The following SLIT1 variants were observed in gnomAD, a reference collection of about 807,000 sequenced individuals.
SLIT1 encodes the protein slit homolog 1 protein.
SLIT1 carries 66 observed loss-of-function variants against 186.1 expected under a neutral mutation model. That is an observed-to-expected ratio of 0.35 (90% CI 0.29 to 0.44). SLIT1 has a LOEUF of 0.44. SLIT1 is among the 20% of genes least tolerant of loss of function. SLIT1 has a pLI of 1.00. For synonymous variants in SLIT1, 761 were observed against 833.8 expected (o/e 0.91, Z 1.50); for missense variants, 1,638 against 2,037.4 (o/e 0.80, Z 3.77).
intron 4 of SLIT1, among the ~76,000 whole-genome samples, chr10:97,089,451 A>T (rs1046679246): frequency 3.9e-5 from 6 of 152,022 alleles, no homozygotes; most frequent in Admixed American, 1.3e-4. Context: ...GGGCTCTGCT[A>T]CTCCGTCTCT....
intron 4 of SLIT1, among the ~76,000 whole-genome samples, chr10:97,094,458 A>G (rs761731862): frequency 6.6e-6 from 1 of 152,210 alleles, no homozygotes; most frequent in Non-Finnish European, 1.5e-5. Context: ...CACCGACTGT[A>G]TGGCTCCAAA....
chr10:97,007,531 T>C (rs1790056902), intron 31 of SLIT1, among the ~76,000 whole-genome samples: 1 of 152,124 alleles, frequency 6.6e-6, no homozygotes, highest in Admixed American at 6.5e-5. Context: ...ATAAATATTG[T>C]CACCAAAATC....
rs979239315 is a variant in SLIT1, at chr10:97,066,091, G to A, written c.414-5C>T. ...ATGGCGTTCTCACTCAAGTCCCTGGGAGGATAAAGCCAGAGGGAGAGAAAA... is the reference window on the plus strand; with the variant it reads ...ATGGCGTTCTCACTCAAGTCCCTGGAAGGATAAAGCCAGAGGGAGAGAAAA... On this transcript the variant is annotated splice_polypyrimidine_tract_variant and splice_region_variant and intron_variant, in intron 4 of 36. Coordinates refer to ENST00000266058, the MANE Select transcript of SLIT1 (RefSeq NM_003061.3). The A allele has an allele frequency of 2.7e-5, 43 of 1,598,114 alleles. No homozygotes were observed. The highest frequency in any genetic ancestry group is 3.7e-5 in the Non-Finnish European group (43 of 1,170,462).
At chr10:97,035,119 AT>A (rs565869587) in intron 22 of SLIT1, among the ~76,000 whole-genome samples, 30,556 of 135,120 alleles carry the variant, frequency 0.23, 3,453 homozygotes, top group African/African-American at 0.35. Flanking sequence ...GACACAACTG[AT>A]CTCTCTTCTC....
chr10:97,170,671 C>G (rs1277755169), intron 1 of SLIT1, among the ~76,000 whole-genome samples: 1 of 152,214 alleles, frequency 6.6e-6, no homozygotes, highest in Non-Finnish European at 1.5e-5. Context: ...GGCAAATGGC[C>G]CTGATTTCCC....
chr10:97,018,535 G>A (rs1848474069), intron 28 of SLIT1, 51 bp downstream of exon 28: 1 of 1,181,056 alleles, frequency 8.5e-7, no homozygotes. Context: ...TGAGGCACAG[G>A]TGCTGGGCCC....
intron 12 of SLIT1, 143 bp downstream of exon 12, chr10:97,057,067 C>T (rs1399216675): frequency 1.1e-5 from 7 of 642,620 alleles, no homozygotes; most frequent in Non-Finnish European, 1.9e-5. Flanking sequence ...CTTTCTCAGC[C>T]CTAGTGGGTC....
At chr10:97,077,056 A>C (rs1165776863) in intron 4 of SLIT1, among the ~76,000 whole-genome samples, 2 of 152,204 alleles carry the variant, frequency 1.3e-5, no homozygotes, top group Non-Finnish European at 2.9e-5. Flanking sequence ...GCTTGAGGCC[A>C]GTTTGAGATC....
chr10:97,137,293 C>A (rs1481679245), intron 4 of SLIT1, among the ~76,000 whole-genome samples: 4 of 152,176 alleles, frequency 2.6e-5, no homozygotes, highest in Non-Finnish European at 5.9e-5. Context: ...TGCTTGATAT[C>A]CAGACCAAAA....
chr10:97,149,845 T>C (rs1309698257), intron 4 of SLIT1, among the ~76,000 whole-genome samples: 2 of 152,186 alleles, frequency 1.3e-5, no homozygotes, highest in Non-Finnish European at 2.9e-5. Flanking sequence ...AATAAATTTT[T>C]TGAGGTTCAC....
chr10:97,125,085 T>C (rs2130717), intron 4 of SLIT1, among the ~76,000 whole-genome samples: 37,427 of 151,874 alleles, frequency 0.25, 4,952 homozygotes, highest in African/African-American at 0.34. Flanking sequence ...ATACTGGAGG[T>C]GTGGAGAAAC....
At chr10:97,093,348 C>T (rs139475430) in intron 4 of SLIT1, among the ~76,000 whole-genome samples, 181 of 152,328 alleles carry the variant, frequency 1.2e-3, no homozygotes, top group African/African-American at 4.3e-3. Context: ...CCCATGTGCC[C>T]AGATAAAAAT....
At chr10:97,124,340 A>C (rs1386434748) in intron 4 of SLIT1, among the ~76,000 whole-genome samples, 1 of 152,182 alleles carries the variant, frequency 6.6e-6, no homozygotes, top group Non-Finnish European at 1.5e-5. Flanking sequence ...AGCCCAGAGA[A>C]GGTTGGGCCC....
chr10:97,140,226 C>T (rs988013375), intron 4 of SLIT1, among the ~76,000 whole-genome samples: 4 of 152,090 alleles, frequency 2.6e-5, no homozygotes, highest in African/African-American at 9.7e-5. Flanking sequence ...ACCAGCTTTT[C>T]CCAGGTTACC....
intron 3 of SLIT1, among the ~76,000 whole-genome samples, chr10:97,160,760 G>C (rs550924165): frequency 6.6e-6 from 1 of 152,274 alleles, no homozygotes; most frequent in South Asian, 2.1e-4. Flanking sequence ...TTGCTCTGTC[G>C]CCCAGGCTGG....
rs1049178095 is a variant in SLIT1, at chr10:97,128,395, A to T, written c.413+29423T>A. Among the ~76,000 whole-genome samples, 5 of 152,206 alleles carry T rather than the reference A, an allele frequency of 3.3e-5. No homozygotes were observed. In the East Asian group the frequency reaches 9.6e-4, roughly 29 times the overall value. On this transcript the variant is annotated intron_variant, in intron 4 of 36. Coordinates refer to ENST00000266058, the MANE Select transcript of SLIT1 (RefSeq NM_003061.3). ...ATGCCCCCACCGTGGCTAGAAGCGCACGTGTGCATGCTCACACTCTCCCCA... is the reference window on the plus strand; with the variant it reads ...ATGCCCCCACCGTGGCTAGAAGCGCTCGTGTGCATGCTCACACTCTCCCCA...
intron 1 of SLIT1, among the ~76,000 whole-genome samples, chr10:97,171,282 T>C (rs1850185053): frequency 6.6e-6 from 1 of 152,134 alleles, no homozygotes; most frequent in Admixed American, 6.5e-5. Context: ...CACCCCAATC[T>C]GCAGGGTAGC....
intron 26 of SLIT1, 66 bp from the exon 27 acceptor site, chr10:97,019,173 C>T: frequency 9.5e-7 from 1 of 1,052,308 alleles, no homozygotes; most frequent in Non-Finnish European, 1.5e-6. Context: ...GCACAGAGCA[C>T]CTCAACCCCG....
At chr10:97,122,303 T>C (rs1849566610) in intron 4 of SLIT1, among the ~76,000 whole-genome samples, 2 of 152,208 alleles carry the variant, frequency 1.3e-5, no homozygotes, top group East Asian at 3.8e-4. Context: ...CCTCATTCAT[T>C]CAACAAACAT....
Sources: gnomAD v4.1 joint callset for allele counts (sites outside exome capture counted in the v4.1 genomes callset) on GRCh38, gnomAD v4.1.1 for gene constraint, MANE v1.5 for transcripts, NCBI Gene and HGNC (gene_info 2026-07-23, HGNC 2026-07-21) for gene names.